The following LRSAM1 variants were observed in gnomAD, a reference collection of about 807,000 sequenced individuals.
LRSAM1 encodes the protein leucine rich repeat and sterile alpha motif containing 1.
LRSAM1 carries 96 observed loss-of-function variants against 118.1 expected under a neutral mutation model. The observed-to-expected ratio is 0.81, with a 90% confidence interval of 0.69 to 0.96. LRSAM1 has a LOEUF of 0.96. Ranked by LOEUF, LRSAM1 falls within the 40% of genes least tolerant of loss-of-function variation. The pLI is 0.00. For synonymous variants in LRSAM1, 322 were observed against 364.2 expected, an observed-to-expected ratio of 0.88 and a Z score of 1.32; for missense variants, 804 against 915.5, an observed-to-expected ratio of 0.88 and a Z score of 1.57.
intron 8 of LRSAM1, 97 bp from the exon 9 acceptor site, chr9:127,462,155 T>C: frequency 6.4e-7 from 1 of 1,553,336 alleles, no homozygotes; most frequent in Non-Finnish European, 8.8e-7. Context: ...GGATCTGTTG[T>C]GTGCCCTAGA....
At chr9:127,471,059 G>T (rs949942385) in intron 10 of LRSAM1, 1 of 152,008 alleles carries the variant, frequency 6.6e-6, no homozygotes, top group Non-Finnish European at 1.5e-5. Flanking sequence ...AAAGTGGAGG[G>T]GGGTGGCTGC....
At chr9:127,497,842 G>A (rs369526105) in intron 24 of LRSAM1, among the ~76,000 whole-genome samples, 46 of 152,316 alleles carry the variant, frequency 3.0e-4, no homozygotes, top group East Asian at 3.9e-4. Context: ...CTGGGAGCCC[G>A]GCACCTGCCC....
At chr9:127,473,751 A>G (rs376653112) in intron 10 of LRSAM1, 50 bp from the exon 11 acceptor site, 30 of 1,613,482 alleles carry the variant, frequency 1.9e-5, no homozygotes, top group South Asian at 3.3e-5. Flanking sequence ...GTCTCTGGGT[A>G]CCTCAGCTGT....
chr9:127,472,442 G>A (rs117240905), intron 10 of LRSAM1, among the ~76,000 whole-genome samples: 1,982 of 151,944 alleles, frequency 0.013, 20 homozygotes, highest in Non-Finnish European at 0.021. Flanking sequence ...AGGAGTTCGA[G>A]ACCACCTTTA....
chr9:127,488,331 G>C (rs940360231), intron 18 of LRSAM1, among the ~76,000 whole-genome samples: 39 of 151,966 alleles, frequency 2.6e-4, no homozygotes, highest in African/African-American at 8.0e-4. Flanking sequence ...GTGCGATCTC[G>C]GCTCACTGCA....
At chr9:127,487,858 C>A in intron 18 of LRSAM1, 95 bp downstream of exon 18, 2 of 1,103,362 alleles carry the variant, frequency 1.8e-6, no homozygotes, top group South Asian at 1.3e-5. Context: ...CCTTCCTAGA[C>A]AGCATGTGGG....
At chr9:127,478,665 C>T (rs1835422667) in intron 11 of LRSAM1, among the ~76,000 whole-genome samples, 2 of 152,202 alleles carry the variant, frequency 1.3e-5, no homozygotes, top group Non-Finnish European at 2.9e-5. Context: ...CTGCTCAGGG[C>T]TGCATCCCAG....
In LRSAM1 at chr9:127,501,048, G is replaced by GC. The variant is rs775965001; in HGVS notation, c.1957dup (p.Gln653ProfsTer5). 1.2e-6 allele frequency: 2 copies of GC among 1,613,792 alleles called. No individual in the cohort carries two copies. Among genetic ancestry groups the GC allele is most frequent in the Non-Finnish European group, 1.7e-6 (2 of 1,180,008 alleles). ...AATGGGTGAGGTCGTCACCCCTACG[G>GC]CCCCCCAGGAGCCTCCTGAGTCTGT... On this transcript the variant is annotated frameshift_variant, in exon 25 of 26. Transcript: ENST00000300417. LOFTEE classifies it high-confidence loss of function.
At chr9:127,492,945 C>T in intron 21 of LRSAM1, 48 bp downstream of exon 21, 1 of 1,504,262 alleles carries the variant, frequency 6.6e-7, no homozygotes, top group Non-Finnish European at 9.2e-7. Context: ...ATTTGCTTTT[C>T]TTTAACAGAC....
chr9:127,495,045 G>A (rs545946062), intron 21 of LRSAM1, among the ~76,000 whole-genome samples: 18 of 152,276 alleles, frequency 1.2e-4, no homozygotes, highest in East Asian at 1.9e-4. Context: ...TCTGCCTCCC[G>A]GGCTCAAGAG....
At chr9:127,472,799 C>G (rs1835221781) in intron 10 of LRSAM1, among the ~76,000 whole-genome samples, 1 of 152,132 alleles carries the variant, frequency 6.6e-6, no homozygotes, top group Non-Finnish European at 1.5e-5. Flanking sequence ...TTAAACTGGT[C>G]ACAGGATTTC....
chr9:127,491,811 C>T (rs906540769), intron 20 of LRSAM1, among the ~76,000 whole-genome samples: 2 of 152,224 alleles, frequency 1.3e-5, no homozygotes, highest in Non-Finnish European at 2.9e-5. Context: ...CAGCTGGCGT[C>T]CTGGACTGGA....
At chr9:127,499,975 T>A (rs1473672673) in intron 24 of LRSAM1, among the ~76,000 whole-genome samples, 1 of 151,722 alleles carries the variant, frequency 6.6e-6, no homozygotes, top group Non-Finnish European at 1.5e-5. Flanking sequence ...ATAATGCTTG[T>A]AATTCAAGCC....
intron 2 of LRSAM1, among the ~76,000 whole-genome samples, chr9:127,453,196 C>G: frequency 6.6e-6 from 1 of 152,200 alleles, no homozygotes; most frequent in East Asian, 1.9e-4. Context: ...ATTCTCGTTC[C>G]TCAGCCTTCC....
intron 24 of LRSAM1, among the ~76,000 whole-genome samples, chr9:127,497,564 G>A (rs1428466702): frequency 6.6e-6 from 1 of 152,230 alleles, no homozygotes; most frequent in Non-Finnish European, 1.5e-5. Flanking sequence ...CCACGTAGCA[G>A]TGGAGGGGCC....
chr9:127,479,586 A>T, intron 13 of LRSAM1, 81 bp downstream of exon 13: 1 of 1,586,372 alleles, frequency 6.3e-7, no homozygotes, highest in South Asian at 1.1e-5. Flanking sequence ...GGTCCCTCGG[A>T]TGTGGAAAGG....
At chr9:127,482,288 G>T (rs775386606) in intron 15 of LRSAM1, among the ~76,000 whole-genome samples, 7 of 151,864 alleles carry the variant, frequency 4.6e-5, no homozygotes, top group Non-Finnish European at 8.8e-5. Flanking sequence ...GATTATAGGC[G>T]CATACCACCA....
chr9:127,502,365 C>A (rs935029847), intron 25 of LRSAM1, among the ~76,000 whole-genome samples: 32 of 152,152 alleles, frequency 2.1e-4, no homozygotes, highest in African/African-American at 7.7e-4. Flanking sequence ...GCCCCACTAT[C>A]AGGCGTTTAT....
intron 18 of LRSAM1, 135 bp from the exon 19 acceptor site, chr9:127,489,309 G>C: frequency 9.5e-7 from 1 of 1,052,348 alleles, no homozygotes; most frequent in Non-Finnish European, 1.4e-6. Flanking sequence ...CAAGTGAGGT[G>C]AAATCTTCTC....
Sources: allele counts gnomAD v4.1 joint callset (sites outside exome capture counted in the v4.1 genomes callset), GRCh38; gene constraint gnomAD v4.1.1; transcripts MANE v1.5; gene names NCBI Gene and HGNC (gene_info 2026-07-23, HGNC 2026-07-21).